The following DRD3 variants were observed in gnomAD, a reference collection of about 807,000 sequenced individuals.
DRD3 encodes the protein dopamine receptor D3.
In DRD3, 19 loss-of-function variants were observed where a neutral mutation model predicts 36.3. That is an observed-to-expected ratio of 0.52 (90% CI 0.36 to 0.77). DRD3 has a LOEUF of 0.77. DRD3 is among the 30% of genes least tolerant of loss of function. The pLI, the probability that DRD3 is intolerant of heterozygous loss-of-function variation, is 0.00. For missense variants in DRD3, 465 were observed against 505.3 expected, an observed-to-expected ratio of 0.92 and a Z score of 0.77; for synonymous variants, 195 against 203.7, an observed-to-expected ratio of 0.96 and a Z score of 0.36.
At chr3:114,137,787 C>T (rs961875426) in intron 5 of DRD3, among the ~76,000 whole-genome samples, 7 of 150,674 alleles carry the variant, frequency 4.6e-5, no homozygotes, top group African/African-American at 9.8e-5. Flanking sequence ...GTCAGGAGAT[C>T]GAGACCATCC....
intron 1 of DRD3, among the ~76,000 whole-genome samples, chr3:114,193,308 A>AACAACAACAACC (rs1198100716): frequency 6.6e-6 from 1 of 151,806 alleles, no homozygotes; most frequent in Non-Finnish European, 1.5e-5. Context: ...CAACAACAAC[A>AACAACAACAACC]ACAACAACAG....
At chr3:114,159,057 C>T (rs552718957) in intron 3 of DRD3, among the ~76,000 whole-genome samples, 326 of 152,166 alleles carry the variant, frequency 2.1e-3, no homozygotes, top group African/African-American at 7.5e-3. Flanking sequence ...AAGGGAGAAA[C>T]AGAGGGACCC....
chr3:114,163,046 C>T lies in DRD3; in HGVS notation c.271-3179G>A, dbSNP rs79013241. 3.5e-3 allele frequency among the ~76,000 whole-genome samples: 534 copies of T among 152,326 alleles called. 6 individuals carry two copies. Among genetic ancestry groups the T allele is most frequent in the African/African-American group, 0.012 (503 of 41,562 alleles). On this transcript the variant is annotated intron_variant, in intron 2 of 6. Transcript: ENST00000383673. ...ACAAAGCCCTCAAGCTGTTCTCTGGCTTCCAGGCCCCCAATGGCCTGTCAT... is the reference window on the plus strand; with the variant it reads ...ACAAAGCCCTCAAGCTGTTCTCTGGTTTCCAGGCCCCCAATGGCCTGTCAT...
rs780181006 is a variant in DRD3 at position 114,171,852 on chromosome 3, A to G, written c.141T>C (p.Asn47=). 6.2e-7 allele frequency: 1 copy of G among 1,613,856 alleles called. No individual in the cohort carries two copies. Among genetic ancestry groups the G allele is most frequent in the East Asian group, 2.2e-5 (1 of 44,872 alleles). Residue 47 remains asparagine, a synonymous_variant, in exon 2 of 7, where the codon AAT becomes AAC. Coordinates refer to ENST00000383673, the MANE Select transcript of DRD3 (RefSeq NM_000796.6). ...TCAGCACAGCCATGCACACCAGGCCATTGCCGAAGACGATGGCCAGGATGA... is the reference window on the plus strand; with the variant it reads ...TCAGCACAGCCATGCACACCAGGCCGTTGCCGAAGACGATGGCCAGGATGA... ...CALILAIVFG[N]GLVCMAVLKE...
intron 3 of DRD3, among the ~76,000 whole-genome samples, chr3:114,158,078 G>T (rs2077698905): frequency 6.6e-6 from 1 of 151,870 alleles, no homozygotes; most frequent in Non-Finnish European, 1.5e-5. Context: ...CTCCAGCCTG[G>T]ACAACAAAAG....
intron 4 of DRD3, among the ~76,000 whole-genome samples, chr3:114,142,221 C>T (rs1238949726): frequency 6.6e-6 from 1 of 152,088 alleles, no homozygotes; most frequent in Non-Finnish European, 1.5e-5. Context: ...TGGTGATCTG[C>T]TCCTTCTCTG....
In DRD3 at chr3:114,128,842, G is replaced by T; in HGVS notation, c.1077C>A (p.His359Gln). 3 of 1,613,942 alleles carry T rather than the reference G, an allele frequency of 1.9e-6. No individual in the cohort carries two copies. Among genetic ancestry groups the T allele is most frequent in the Middle Eastern group, 1.6e-4 (1 of 6,062 alleles). The change falls in exon 7 of 7, where the codon CAC becomes CAA. Residue 359 changes from histidine to glutamine, a missense_variant. Coordinates refer to ENST00000383673, the MANE Select transcript of DRD3 (RefSeq NM_000796.6). The stretch of plus-strand genomic sequence containing the variant: ...TGGCACTGTAAAGCTCTGGGGACAC[G>T]TGGCATGTCTGGCAGTGGGTATTGA... ...HVLNTHCQTC[H>Q]VSPELYSATT...
At chr3:114,196,897 C>T (rs2078037886) in intron 1 of DRD3, among the ~76,000 whole-genome samples, 1 of 151,820 alleles carries the variant, frequency 6.6e-6, no homozygotes, top group Non-Finnish European at 1.5e-5. Flanking sequence ...CTAATATATG[C>T]TTTGTAAATA....
chr3:114,175,613 C>T (rs1207673291), intron 1 of DRD3, among the ~76,000 whole-genome samples: 2 of 152,184 alleles, frequency 1.3e-5, no homozygotes, highest in Middle Eastern at 3.2e-3. Flanking sequence ...TTTAACCCAC[C>T]TTCTGCTATA....
intron 4 of DRD3, among the ~76,000 whole-genome samples, chr3:114,144,590 G>C (rs563294645): frequency 1.1e-4 from 17 of 152,292 alleles, no homozygotes; most frequent in East Asian, 3.9e-4. Flanking sequence ...CTGTGTTCTA[G>C]GAAGGGGCGA....
chr3:114,161,151 G>A (rs1056121869), intron 2 of DRD3, among the ~76,000 whole-genome samples: 10 of 152,098 alleles, frequency 6.6e-5, no homozygotes, highest in Non-Finnish European at 1.2e-4. Context: ...CCTAGTTCTC[G>A]GGGAGAAACC....
rs557764679 is a variant in DRD3, at chr3:114,128,901, C to A, written c.1018G>T (p.Val340Phe). The A allele has an allele frequency of 1.1e-5, 18 of 1,598,782 alleles. No individual in the cohort carries two copies. In the African/African-American group the frequency reaches 1.9e-4, roughly 17 times the overall value. Residue 340 changes from valine (V) to phenylalanine (F), a missense_variant, in exon 7 of 7, where the codon GTC (valine) becomes TTC (phenylalanine). Physicochemically the swap from Val to Phe is conservative, Grantham distance 50. Coordinates refer to ENST00000383673, the MANE Select transcript of DRD3 (RefSeq NM_000796.6). ...GTCAAGAAGAAGGGCAGCCAGCAGACAATGAAGGCCCCTAAGTTGCCAAAT... is the reference window on the plus strand; with the variant it reads ...GTCAAGAAGAAGGGCAGCCAGCAGAAAATGAAGGCCCCTAAGTTGCCAAAT... Reference protein sequence around the residue: ...MVAIVLGAFIVCWLPFFLTHV... With the variant: ...MVAIVLGAFIFCWLPFFLTHV...
chr3:114,147,360 C>A, intron 4 of DRD3, 55 bp downstream of exon 4: 1 of 1,586,300 alleles, frequency 6.3e-7, no homozygotes, highest in South Asian at 1.1e-5. Flanking sequence ...CACAGCCAGT[C>A]ATTCAGCTGT....
chr3:114,182,377 G>T (rs990930502), upstream of DRD3, among the ~76,000 whole-genome samples: 2 of 152,136 alleles, frequency 1.3e-5, no homozygotes, highest in Admixed American at 6.5e-5. Context: ...CAAGAGAATG[G>T]CAGGAAATAA....
intron 2 of DRD3, among the ~76,000 whole-genome samples, chr3:114,164,601 G>C (rs913513092): frequency 2.6e-5 from 4 of 152,152 alleles, no homozygotes; most frequent in African/African-American, 9.7e-5. Flanking sequence ...TATTGTCTTG[G>C]TTTGGGAAAC....
At chr3:114,135,912 C>T (rs188314307) in intron 5 of DRD3, among the ~76,000 whole-genome samples, 35 of 152,176 alleles carry the variant, frequency 2.3e-4, no homozygotes, top group Non-Finnish European at 4.6e-4. Context: ...AGGCTGGTCT[C>T]GAACTCCTGA....
At chr3:114,148,094 A>AC (rs1244659843) in intron 3 of DRD3, among the ~76,000 whole-genome samples, 1 of 152,262 alleles carries the variant, frequency 6.6e-6, no homozygotes, top group Non-Finnish European at 1.5e-5. Flanking sequence ...TGAAGAACTT[A>AC]CTGAGGGAGA....
chr3:114,147,317 C>T lies in DRD3; in HGVS notation c.526+98G>A, dbSNP rs567704932. Reference sequence around the variant, plus strand: ...TCATTTAATTGCAAAGTACACTGACCGGGGGTCAGAAATTGCAGGGCTGAG... The same window carrying T: ...TCATTTAATTGCAAAGTACACTGACTGGGGGTCAGAAATTGCAGGGCTGAG... On this transcript the variant is annotated intron_variant, in intron 4 of 6. Transcript: ENST00000383673. 328 of 1,474,888 alleles carry T rather than the reference C, an allele frequency of 2.2e-4. 2 individuals are homozygous for T. The South Asian group carries it at 2.3e-3, about 10-fold the overall frequency. The allele number at this position is 1,474,888 out of a possible 1,614,324, so 91.4% of individuals were successfully genotyped here.
chr3:114,131,245 C>G lies in DRD3; in HGVS notation c.879G>C (p.Lys293Asn). ...RNSLSPTIAP[K>N]LSLEVRKLSN... ...TGAGTTTTCGAACTTCTAAGCTGAG[C>G]TTGGGCGCTATGGTGGGACTCAGGG... The change falls in exon 6 of 7, where the codon AAG (lysine) becomes AAC (asparagine). Residue 293 changes from lysine (K) to asparagine (N), a missense_variant. Lys to Asn is a moderately conservative substitution (Grantham distance 94). Transcript: ENST00000383673. The G allele has an allele frequency of 6.2e-7, 1 of 1,614,186 alleles. No individual in the cohort carries two copies. Among genetic ancestry groups the G allele is most frequent in the South Asian group, 1.1e-5 (1 of 91,084 alleles).
Sources: allele counts gnomAD v4.1 joint callset (sites outside exome capture counted in the v4.1 genomes callset), GRCh38; gene constraint gnomAD v4.1.1; transcripts MANE v1.5; gene names NCBI Gene and HGNC (gene_info 2026-07-23, HGNC 2026-07-21).